The following RIMS1 variants were observed in gnomAD, a reference collection of about 807,000 sequenced individuals.
The protein encoded by RIMS1 is regulating synaptic membrane exocytosis 1.
Under a neutral mutation model 214.1 loss-of-function variants are expected in RIMS1, and 83 were observed. The ratio of observed to expected loss-of-function variants is 0.39; its 90% CI spans 0.32 to 0.47. RIMS1 has a LOEUF of 0.47. RIMS1 is among the 20% of genes least tolerant of loss of function. The pLI is 0.99. For synonymous variants in RIMS1, 793 were observed against 786.8 expected (o/e 1.01, Z -0.13); for missense variants, 2,050 against 2,161.8 (o/e 0.95, Z 1.03).
In RIMS1 at chr6:72,112,282, A is replaced by G. The variant is rs149170171; in HGVS notation, c.471+12296A>G. ...GACACCATCTAGTCTGGTTTATTGCATTGAACCCCTAATTGGCCTTTCCTT... is the reference window on the plus strand; with the variant it reads ...GACACCATCTAGTCTGGTTTATTGCGTTGAACCCCTAATTGGCCTTTCCTT... On this transcript the variant is annotated intron_variant, in intron 4 of 33. Coordinates refer to ENST00000521978, the MANE Select transcript of RIMS1 (RefSeq NM_014989.7). Among the ~76,000 whole-genome samples the G allele has an allele frequency of 2.3e-3, 343 of 152,064 alleles. 2 individuals carry two copies. The highest frequency in any genetic ancestry group is 0.012 in the South Asian group (58 of 4,810).
At chr6:72,050,051 G>A (rs1438216315) in intron 2 of RIMS1, among the ~76,000 whole-genome samples, 2 of 152,108 alleles carry the variant, frequency 1.3e-5, no homozygotes, top group Admixed American at 6.6e-5. Flanking sequence ...AGGCTAAAAT[G>A]TTAATTAGTG....
At chr6:72,249,458 T>A (rs2071987366) in intron 12 of RIMS1, among the ~76,000 whole-genome samples, 2 of 152,158 alleles carry the variant, frequency 1.3e-5, no homozygotes, top group South Asian at 4.1e-4. Flanking sequence ...AGTTTTTTCC[T>A]CCTTCTCTCA....
At chr6:72,112,473 C>T (rs909553537) in intron 4 of RIMS1, among the ~76,000 whole-genome samples, 1 of 152,152 alleles carries the variant, frequency 6.6e-6, no homozygotes, top group African/African-American at 2.4e-5. Flanking sequence ...GTACCCAACA[C>T]CCTGCATCAT....
chr6:72,329,858 T>A (rs1313600893), intron 28 of RIMS1, among the ~76,000 whole-genome samples: 1 of 151,748 alleles, frequency 6.6e-6, no homozygotes, highest in Non-Finnish European at 1.5e-5. Flanking sequence ...TTGAACACTT[T>A]ATGTTTGAGA....
chr6:72,239,601 A>G (rs2065824122), intron 9 of RIMS1, among the ~76,000 whole-genome samples: 1 of 152,210 alleles, frequency 6.6e-6, no homozygotes, highest in African/African-American at 2.4e-5. Flanking sequence ...CTTTTATTTA[A>G]CATTTGCAAT....
chr6:72,391,016 T>C (rs1596164666), intron 30 of RIMS1: 1 of 276,446 alleles, frequency 3.6e-6, no homozygotes, highest in East Asian at 6.3e-5. Flanking sequence ...TACTGGATGT[T>C]TAGTGTACAA....
chr6:71,973,216 G>T (rs1272180436), intron 2 of RIMS1, among the ~76,000 whole-genome samples: 3 of 152,128 alleles, frequency 2.0e-5, no homozygotes, highest in Admixed American at 1.3e-4. Context: ...ACAGTAATAT[G>T]GATTTTAAAG....
chr6:72,237,723 T>C (rs1283138027), intron 8 of RIMS1, 100 bp from the exon 9 acceptor site: 2 of 851,890 alleles, frequency 2.3e-6, no homozygotes, highest in Non-Finnish European at 1.9e-6. Flanking sequence ...CTACATGCAA[T>C]TTCAAGTGTA....
At chr6:72,296,188 A>T (rs1011933362) in intron 26 of RIMS1, among the ~76,000 whole-genome samples, 13 of 151,836 alleles carry the variant, frequency 8.6e-5, no homozygotes, top group African/African-American at 2.4e-4. Flanking sequence ...TAAAAATTTT[A>T]TTTAAAATTA....
chr6:72,021,972 GT>G (rs1814832668), intron 2 of RIMS1, among the ~76,000 whole-genome samples: 1 of 152,158 alleles, frequency 6.6e-6, no homozygotes, highest in Admixed American at 6.6e-5. Flanking sequence ...TATACTGAGA[GT>G]TTGAAAATAC....
chr6:72,029,550 T>C (rs1478048311), intron 2 of RIMS1, among the ~76,000 whole-genome samples: 2 of 152,110 alleles, frequency 1.3e-5, no homozygotes, highest in African/African-American at 4.8e-5. Flanking sequence ...CTGAATTTGT[T>C]GGCATCATGA....
intron 1 of RIMS1, among the ~76,000 whole-genome samples, chr6:71,942,146 G>A (rs1786345423): frequency 6.6e-6 from 1 of 152,132 alleles, no homozygotes; most frequent in Non-Finnish European, 1.5e-5. Flanking sequence ...GATCTTCATG[G>A]AATTCCTTGT....
chr6:72,113,642 T>G (rs1166666351), intron 4 of RIMS1, among the ~76,000 whole-genome samples: 2 of 149,668 alleles, frequency 1.3e-5, no homozygotes, highest in African/African-American at 4.8e-5. Context: ...TTAGTAAATA[T>G]ATTCAAATAT....
At chr6:72,391,906 C>A (rs2098709073) in intron 30 of RIMS1, among the ~76,000 whole-genome samples, 1 of 152,176 alleles carries the variant, frequency 6.6e-6, no homozygotes, top group Non-Finnish European at 1.5e-5. Flanking sequence ...ACCATTTAAT[C>A]TCTTGGATTT....
chr6:71,936,462 A>G lies in RIMS1; in HGVS notation c.165-32521A>G, dbSNP rs1784503725. Among the ~76,000 whole-genome samples, 4 of 152,114 alleles carry G rather than the reference A, an allele frequency of 2.6e-5. 1 individual carries two copies. The South Asian group carries it at 8.3e-4, about 31-fold the overall frequency. On this transcript the variant is annotated intron_variant, in intron 1 of 33. Transcript: ENST00000521978. Reference sequence around the variant, plus strand: ...AGTTAACCAGCTGCCTCCCTACACCACCTAAAGCAAAACTAATCAACAAAA... The same window carrying G: ...AGTTAACCAGCTGCCTCCCTACACCGCCTAAAGCAAAACTAATCAACAAAA...
Position 72,145,611 on chromosome 6 carries a change from A to C in RIMS1, c.472-33964A>C, listed in dbSNP as rs546263958. The stretch of plus-strand genomic sequence containing the variant: ...TGGTGACAGAGTGAGACTCCATCTC[A>C]AAAAAAAATCAAAAAAGAAAGTTAC... On this transcript the variant is annotated intron_variant, in intron 4 of 33. Coordinates refer to ENST00000521978, the MANE Select transcript of RIMS1 (RefSeq NM_014989.7). Among the ~76,000 whole-genome samples the C allele has an allele frequency of 2.0e-5, 3 of 151,510 alleles. No individual in the cohort carries two copies. In the East Asian group the frequency reaches 5.8e-4, roughly 30 times the overall value.
At chr6:71,995,585 G>T (rs938429851) in intron 2 of RIMS1, among the ~76,000 whole-genome samples, 14 of 151,786 alleles carry the variant, frequency 9.2e-5, no homozygotes, top group African/African-American at 3.4e-4. Flanking sequence ...TTCTTGGGCT[G>T]CCATAACAAA....
At chr6:72,032,204 G>A (rs567707713) in intron 2 of RIMS1, among the ~76,000 whole-genome samples, 37 of 151,836 alleles carry the variant, frequency 2.4e-4, no homozygotes, top group Admixed American at 1.1e-3. Context: ...GGGTATTTCC[G>A]TGTGGCCTTA....
intron 19 of RIMS1, chr6:72,261,062 T>C (rs927644561): frequency 8.2e-7 from 1 of 1,220,990 alleles, no homozygotes; most frequent in African/African-American, 1.6e-5. Context: ...ATTAAAATTC[T>C]AAATGCTCAC....
Sources: allele counts gnomAD v4.1 joint callset (sites outside exome capture counted in the v4.1 genomes callset), GRCh38; gene constraint gnomAD v4.1.1; transcripts MANE v1.5; gene names NCBI Gene and HGNC (gene_info 2026-07-23, HGNC 2026-07-21).